LOC128462377: variants seen among roughly 807,000 people sequenced by gnomAD.
chr16:89,384,446 C>G, the LOC128462377 span, among the ~76,000 whole-genome samples: 1 of 151,448 alleles, frequency 6.6e-6, no homozygotes, highest in African/African-American at 2.4e-5. Flanking sequence ...CAGAGCAGAA[C>G]GGGATGGGAT....
the LOC128462377 span, among the ~76,000 whole-genome samples, chr16:89,326,239 C>A: frequency 1.3e-5 from 2 of 152,052 alleles, no homozygotes; most frequent in East Asian, 1.9e-4. Context: ...CCAAGGCTTG[C>A]GAGGGTGGAA....
the LOC128462377 span, among the ~76,000 whole-genome samples, chr16:89,341,869 C>A: frequency 6.8e-6 from 1 of 146,236 alleles, no homozygotes; most frequent in Non-Finnish European, 1.5e-5. Context: ...CCCACAGCGG[C>A]CACGGCCCAC....
the LOC128462377 span, among the ~76,000 whole-genome samples, chr16:89,401,357 C>T: frequency 6.6e-6 from 1 of 151,800 alleles, no homozygotes; most frequent in African/African-American, 2.4e-5. Context: ...GATTACAGCA[C>T]GAGCCACTGC....
the LOC128462377 span, among the ~76,000 whole-genome samples, chr16:89,340,659 C>A: frequency 1.3e-5 from 2 of 152,172 alleles, no homozygotes; most frequent in Admixed American, 6.5e-5. Context: ...AACATGATTA[C>A]ATTCTACAAA....
the LOC128462377 span, among the ~76,000 whole-genome samples, chr16:89,350,875 C>G: frequency 6.6e-6 from 1 of 152,130 alleles, no homozygotes; most frequent in Non-Finnish European, 1.5e-5. Context: ...GGTCCCATGG[C>G]ATAAACACCT....
chr16:89,375,939 T>A, the LOC128462377 span, among the ~76,000 whole-genome samples: 1 of 152,152 alleles, frequency 6.6e-6, no homozygotes, highest in Non-Finnish European at 1.5e-5. Context: ...TAGGAAAAGC[T>A]AAACTTGCGT....
the LOC128462377 span, among the ~76,000 whole-genome samples, chr16:89,412,974 C>G: frequency 6.6e-6 from 1 of 152,112 alleles, no homozygotes; most frequent in African/African-American, 2.4e-5. Context: ...TGAGGGAAAA[C>G]AGCTGACAGC....
At chr16:89,385,706 A>G in the LOC128462377 span, among the ~76,000 whole-genome samples, 1 of 152,288 alleles carries the variant, frequency 6.6e-6, no homozygotes, top group South Asian at 2.1e-4. Context: ...CATCACGTAC[A>G]GTCTGCAAAG....
chr16:89,416,672 G>A, the LOC128462377 span, among the ~76,000 whole-genome samples: 1 of 149,590 alleles, frequency 6.7e-6, no homozygotes, highest in African/African-American at 2.5e-5. Flanking sequence ...GCTCACACCT[G>A]TAATCCCAGC....
the LOC128462377 span, among the ~76,000 whole-genome samples, chr16:89,355,043 GAAC>G: frequency 3.9e-4 from 59 of 152,312 alleles, no homozygotes; most frequent in Non-Finnish European, 7.5e-4. Context: ...GGAAACGCCA[GAAC>G]AACATGTTTG....
chr16:89,410,986 G>C, the LOC128462377 span, among the ~76,000 whole-genome samples: 1 of 152,342 alleles, frequency 6.6e-6, no homozygotes, highest in African/African-American at 2.4e-5. Context: ...CTCCACAGGC[G>C]CTTTCCTGAA....
the LOC128462377 span, among the ~76,000 whole-genome samples, chr16:89,365,788 G>A: frequency 6.6e-6 from 1 of 152,132 alleles, no homozygotes; most frequent in African/African-American, 2.4e-5. Context: ...AGGGTTTGTT[G>A]AACAGACTAT....
At chr16:89,336,649 C>A in the LOC128462377 span, among the ~76,000 whole-genome samples, 54,029 of 152,030 alleles carry the variant, frequency 0.36, 11,389 homozygotes, top group Middle Eastern at 0.53. Context: ...GCACCACACC[C>A]CCCGGGTGGG....
At chr16:89,402,386 T>C in the LOC128462377 span, among the ~76,000 whole-genome samples, 4 of 152,126 alleles carry the variant, frequency 2.6e-5, no homozygotes, top group East Asian at 5.8e-4. Flanking sequence ...TTTAAATCGG[T>C]AGGCACATCA....
the LOC128462377 span, among the ~76,000 whole-genome samples, chr16:89,402,995 GTC>G: frequency 6.6e-6 from 1 of 152,174 alleles, no homozygotes; most frequent in Admixed American, 6.5e-5. Flanking sequence ...AGCAAGGCCA[GTC>G]ACCTCAGCCC....
chr16:89,397,861 A>G, the LOC128462377 span, among the ~76,000 whole-genome samples: 1 of 152,234 alleles, frequency 6.6e-6, no homozygotes, highest in Non-Finnish European at 1.5e-5. Context: ...CCACCAGCAC[A>G]CAAACCTTCG....
the LOC128462377 span, among the ~76,000 whole-genome samples, chr16:89,322,054 TG>T: frequency 2.0e-5 from 3 of 152,360 alleles, no homozygotes; most frequent in African/African-American, 7.2e-5. Flanking sequence ...TGTGTGTGAC[TG>T]GCTTTATGTG....
At chr16:89,388,293 ATTTTTTTTTT>A in the LOC128462377 span, among the ~76,000 whole-genome samples, 2 of 85,266 alleles carry the variant, frequency 2.3e-5, no homozygotes, top group Non-Finnish European at 4.5e-5. Flanking sequence ...CATGAGGCTG[ATTTTTTTTTT>A]TTTTTTTTTT....
the LOC128462377 span, among the ~76,000 whole-genome samples, chr16:89,406,483 G>A: frequency 2.0e-5 from 3 of 152,332 alleles, no homozygotes; most frequent in East Asian, 1.9e-4. Context: ...ACCGTGCACC[G>A]TGACAAGACA....
Sources: allele counts gnomAD v4.1 joint callset (sites outside exome capture counted in the v4.1 genomes callset), GRCh38; gene constraint gnomAD v4.1.1; transcripts MANE v1.5.